Variants in FAR1 observed in about 807,000 individuals in gnomAD.
The protein encoded by FAR1 is male sterility domain-containing protein 2.
Under a neutral mutation model 61.1 loss-of-function variants are expected in FAR1, and 22 were observed. The ratio of observed to expected loss-of-function variants is 0.36; its 90% CI spans 0.26 to 0.51. The LOEUF (loss-of-function observed/expected upper bound fraction) is 0.51, where lower values mean the gene tolerates loss of function less well. Ranked by LOEUF, FAR1 falls within the 20% of genes least tolerant of loss-of-function variation. The probability of loss-of-function intolerance (pLI) is 0.95; values close to 1 mark genes in which losing one functional copy is unlikely to be tolerated. For missense variants in FAR1, 359 were observed against 626.9 expected, an observed-to-expected ratio of 0.57 and a Z score of 4.56; for synonymous variants, 206 against 209.7, an observed-to-expected ratio of 0.98 and a Z score of 0.15.
intron 5 of FAR1, 54 bp downstream of exon 5, chr11:13,710,924 ACT>A (rs1848491614): frequency 6.7e-6 from 10 of 1,488,322 alleles, no homozygotes; most frequent in African/African-American, 4.3e-5. Context: ...TTAAGTTGTA[ACT>A]CTGTATAAAA....
intron 4 of FAR1, among the ~76,000 whole-genome samples, chr11:13,708,441 GCGCGCGCACA>G (rs1242714481): frequency 1.0e-3 from 83 of 79,888 alleles, no homozygotes; most frequent in African/African-American, 3.2e-3. Context: ...ATGTGCGCGC[GCGCGCGCACA>G]CACACACACA....
chr11:13,718,191 C>T (rs186749456), intron 9 of FAR1, among the ~76,000 whole-genome samples: 42 of 152,294 alleles, frequency 2.8e-4, no homozygotes, highest in African/African-American at 9.4e-4. Flanking sequence ...AAGGCACTGC[C>T]TAGGTCTTTC....
chr11:13,718,973 G>A (rs867019917), intron 9 of FAR1, among the ~76,000 whole-genome samples: 1 of 152,290 alleles, frequency 6.6e-6, no homozygotes, highest in Middle Eastern at 3.4e-3. Context: ...AGCATACACA[G>A]TGACTGAAGG....
intron 1 of FAR1, among the ~76,000 whole-genome samples, chr11:13,683,008 A>C (rs2134171617): frequency 6.6e-6 from 1 of 152,208 alleles, no homozygotes; most frequent in Middle Eastern, 3.4e-3. Context: ...ATTTAACGTA[A>C]CTTTCTATCT....
chr11:13,716,956 G>T (rs977174154), intron 9 of FAR1, among the ~76,000 whole-genome samples: 1 of 91,910 alleles, frequency 1.1e-5, no homozygotes, highest in Non-Finnish European at 2.0e-5. Context: ...CCCACCCCAC[G>T]ACAGGCCCCC....
chr11:13,716,682 A>G (rs576175140), intron 9 of FAR1, among the ~76,000 whole-genome samples: 1 of 152,186 alleles, frequency 6.6e-6, no homozygotes, highest in South Asian at 2.1e-4. Flanking sequence ...TGAGCTACCC[A>G]TGGAAGTCAT....
intron 2 of FAR1, among the ~76,000 whole-genome samples, chr11:13,699,321 A>C (rs1162883165): frequency 1.3e-5 from 2 of 152,242 alleles, no homozygotes; most frequent in East Asian, 3.8e-4. Context: ...TGCCTGGCTC[A>C]TATGAAATAC....
In FAR1 at chr11:13,719,774, A is replaced by G. The variant is rs571037183; in HGVS notation, c.1128-1956A>G. The G allele has an allele frequency of 9.8e-5, 15 of 152,294 alleles. No individual in the cohort carries two copies. The South Asian group carries it at 3.1e-3, about 32-fold the overall frequency. The allele number at this position is 152,294 out of a possible 1,614,324, so 9.4% of individuals were successfully genotyped here. ...GGGATGGTGACAAGCATCTTATAGC[A>G]TGCAAGATAGCCCTCCACACGAAAG... On this transcript the variant is annotated intron_variant, in intron 9 of 11. Transcript: ENST00000354817.
intron 1 of FAR1, among the ~76,000 whole-genome samples, chr11:13,693,575 A>G (rs866866763): frequency 8.4e-5 from 12 of 142,234 alleles, no homozygotes; most frequent in Admixed American, 2.8e-4. Flanking sequence ...TCTGTGAGCA[A>G]TCTTTTAATT....
chr11:13,711,653 T>A (rs1473554971), intron 5 of FAR1, 111 bp from the exon 6 acceptor site: 1 of 832,954 alleles, frequency 1.2e-6, no homozygotes, highest in South Asian at 1.5e-5. Flanking sequence ...GTTTTTTAGT[T>A]TTTAGAAGAC....
chr11:13,719,640 G>C (rs1165699028), intron 9 of FAR1, among the ~76,000 whole-genome samples: 2 of 152,070 alleles, frequency 1.3e-5, no homozygotes, highest in East Asian at 3.9e-4. Context: ...TCTAAACCAG[G>C]TATCTATTTT....
At chr11:13,689,433 A>G (rs776610619) in intron 1 of FAR1, among the ~76,000 whole-genome samples, 7 of 152,156 alleles carry the variant, frequency 4.6e-5, no homozygotes, top group Admixed American at 6.5e-5. Flanking sequence ...TACTAGCTCA[A>G]CGCTCCCTTT....
intron 1 of FAR1, among the ~76,000 whole-genome samples, chr11:13,693,736 A>ATGGC (rs1369891684): frequency 6.6e-6 from 1 of 152,154 alleles, no homozygotes; most frequent in Admixed American, 6.5e-5. Flanking sequence ...TTCTTCTGGT[A>ATGGC]TGGCTATTCT....
chr11:13,722,483 CT>C (rs1014355829), intron 10 of FAR1, among the ~76,000 whole-genome samples: 5 of 148,024 alleles, frequency 3.4e-5, no homozygotes, highest in Non-Finnish European at 3.0e-5. Context: ...TTTTCTTTTT[CT>C]TTTTTTTTGA....
rs138469874 is a variant in FAR1, at chr11:13,674,500, A to G, written c.-8+5694A>G. Among the ~76,000 whole-genome samples the G allele has an allele frequency of 5.1e-3, 774 of 152,250 alleles. 10 individuals are homozygous for G. Among genetic ancestry groups the G allele is most frequent in the African/African-American group, 0.018 (733 of 41,544 alleles). ...AATTTTAAGCCCGTCTTCCTTGAATAGGTTGTATGCCTTCTTTCTAATTAA... is the reference window on the plus strand; with the variant it reads ...AATTTTAAGCCCGTCTTCCTTGAATGGGTTGTATGCCTTCTTTCTAATTAA... On this transcript the variant is annotated intron_variant, in intron 1 of 11. Transcript: ENST00000354817.
chr11:13,712,703 A>T lies in FAR1; in HGVS notation c.888-263A>T, dbSNP rs373931515. Among the ~76,000 whole-genome samples the T allele has an allele frequency of 4.3e-4, 66 of 152,234 alleles. No individual in the cohort carries two copies. In the South Asian group the frequency reaches 0.012, roughly 29 times the overall value. On this transcript the variant is annotated intron_variant, in intron 7 of 11. Coordinates refer to ENST00000354817, the MANE Select transcript of FAR1 (RefSeq NM_032228.6). ...GTTTTCCTCGTGTTTAAAAATAGAC[A>T]TTCCTGCTAATATAAGGAGGAAAAA...
intron 1 of FAR1, among the ~76,000 whole-genome samples, chr11:13,686,238 C>A (rs77596303): frequency 6.6e-6 from 1 of 152,222 alleles, no homozygotes; most frequent in Non-Finnish European, 1.5e-5. Flanking sequence ...ATAAATTTTT[C>A]TTTCCCTTTC....
At chr11:13,712,842 T>TA (rs527691498) in intron 7 of FAR1, 124 bp from the exon 8 acceptor site, 467 of 575,258 alleles carry the variant, frequency 8.1e-4, no homozygotes, top group African/African-American at 2.2e-3. Flanking sequence ...TAAGGATAAT[T>TA]AAAAAAAAAT....
intron 10 of FAR1, among the ~76,000 whole-genome samples, chr11:13,725,922 T>C (rs914835843): frequency 7.6e-5 from 11 of 145,378 alleles, no homozygotes; most frequent in African/African-American, 2.6e-4. Context: ...TTCTTTTTTC[T>C]TTTTTTTTTG....
Sources: allele counts gnomAD v4.1 joint callset (sites outside exome capture counted in the v4.1 genomes callset), GRCh38; gene constraint gnomAD v4.1.1; transcripts MANE v1.5; gene names NCBI Gene and HGNC (gene_info 2026-07-23, HGNC 2026-07-21).